The following LARP4 variants were observed in gnomAD, a reference collection of about 807,000 sequenced individuals.
LARP4 encodes the protein La ribonucleoprotein 4, also known as la-related protein 4.
LARP4 carries 29 observed loss-of-function variants against 92.9 expected under a neutral mutation model. The observed-to-expected ratio is 0.31, with a 90% CI of 0.23 to 0.43. LARP4 has a LOEUF of 0.43. Ranked by LOEUF, LARP4 falls within the 20% of genes least tolerant of loss-of-function variation. The pLI is 1.00. For missense variants in LARP4, 732 were observed against 860.0 expected (o/e 0.85, Z 1.86); for synonymous variants, 279 against 284.1 (o/e 0.98, Z 0.18).
At chr12:50,438,231 G>A (rs992115208) in intron 6 of LARP4, among the ~76,000 whole-genome samples, 7 of 151,924 alleles carry the variant, frequency 4.6e-5, no homozygotes, top group Non-Finnish European at 1.0e-4. Context: ...GCGCGGGGTG[G>A]CTCATGCCTG....
intron 3 of LARP4, among the ~76,000 whole-genome samples, chr12:50,429,749 C>T (rs1565580569): frequency 6.6e-6 from 1 of 152,240 alleles, no homozygotes; most frequent in East Asian, 1.9e-4. Flanking sequence ...AGTGATACTC[C>T]TGTCTCAGCC....
chr12:50,401,205 C>G, intron 1 of LARP4, 177 bp downstream of exon 1: 1 of 715,802 alleles, frequency 1.4e-6, no homozygotes, highest in East Asian at 2.5e-5. Flanking sequence ...TCACAACACT[C>G]TAGGAAGCTA....
intron 8 of LARP4, among the ~76,000 whole-genome samples, chr12:50,451,773 G>T (rs1244592010): frequency 6.6e-6 from 1 of 151,958 alleles, no homozygotes; most frequent in East Asian, 1.9e-4. Flanking sequence ...GGAGGTGGAG[G>T]TTGTGGTGAG....
intron 1 of LARP4, among the ~76,000 whole-genome samples, chr12:50,418,294 G>T (rs1947190695): frequency 6.6e-6 from 1 of 152,154 alleles, no homozygotes; most frequent in South Asian, 2.1e-4. Context: ...GAGCCACTGT[G>T]CCTGGCCTAG....
At chr12:50,456,917 T>C (rs1365525410) in intron 10 of LARP4, among the ~76,000 whole-genome samples, 2 of 65,282 alleles carry the variant, frequency 3.1e-5, no homozygotes, top group Non-Finnish European at 9.0e-5. Context: ...ACAGGTAATA[T>C]AAATTTTTTT....
chr12:50,475,496 T>A, intron 15 of LARP4, 30 bp from the exon 16 acceptor site: 1 of 1,503,520 alleles, frequency 6.7e-7, no homozygotes, highest in Non-Finnish European at 9.1e-7. Context: ...ATGTGTACCA[T>A]AAATGTTTTT....
In LARP4 at chr12:50,474,104, G is replaced by C. The variant is rs1389081126; in HGVS notation, c.1773G>C (p.Ser591=). 3 of 1,613,372 alleles carry C rather than the reference G, an allele frequency of 1.9e-6. No homozygotes were observed. Among genetic ancestry groups the C allele is most frequent in the Admixed American group, 3.3e-5 (2 of 59,990 alleles). ...CTCCTCCAAGTACTACAAAGCCATC[G>C]AGGGCAAGTACTGCTTCACCATGTA... ...PVSPPSTTKP[S]RASTASPCNN... is the part of the protein sequence containing the mutation. The change falls in exon 15 of 16, where the codon TCG becomes TCC. Residue 591 remains serine, a synonymous_variant. Transcript: ENST00000398473.
chr12:50,452,494 T>C (rs1005242741), intron 8 of LARP4, among the ~76,000 whole-genome samples: 4 of 152,196 alleles, frequency 2.6e-5, no homozygotes, highest in Admixed American at 2.6e-4. Flanking sequence ...TTTTTAACTT[T>C]TGAGGAATCT....
intron 15 of LARP4, among the ~76,000 whole-genome samples, chr12:50,475,284 G>A (rs1256297120): frequency 6.6e-6 from 1 of 152,072 alleles, no homozygotes; most frequent in South Asian, 2.1e-4. Context: ...TAGGCATTTA[G>A]GTCGCTCCCA....
chr12:50,409,874 C>T (rs1382223187), intron 1 of LARP4, among the ~76,000 whole-genome samples: 2 of 151,536 alleles, frequency 1.3e-5, no homozygotes, highest in Non-Finnish European at 2.9e-5. Flanking sequence ...TTGCAACTTC[C>T]GCCTCCCAGG....
At position 50,461,208 on chromosome 12, in the gene LARP4, C is replaced by A. The variant is rs1462221049; in HGVS notation, c.1195C>A (p.Gln399Lys). The A allele has an allele frequency of 6.2e-7, 1 of 1,614,058 alleles. No individual in the cohort carries two copies. The highest frequency in any genetic ancestry group is 1.1e-5 in the South Asian group (1 of 91,080). Residue 399 changes from glutamine to lysine, a missense_variant, in exon 11 of 16, where the codon CAG (glutamine) becomes AAG (lysine). Physicochemically the swap from Gln to Lys is moderately conservative, Grantham distance 53. Around this residue, in one of 7 missense-constraint regions of LARP4, gnomAD observed 264 missense variants for 269.5 expected, o/e 0.98. Coordinates refer to ENST00000398473, the MANE Select transcript of LARP4 (RefSeq NM_052879.5). ...TEGSVSLGDG[Q>K]LNRYSSRNFP... is the part of the protein sequence containing the mutation. ...GGGCTCTGTATCCTTGGGGGATGGA[C>A]AGTTGAACAGATATAGTTCAAGAAA...
chr12:50,454,505 G>A lies in LARP4; in HGVS notation c.1121+88G>A, dbSNP rs1003076857. On this transcript the variant is annotated intron_variant, in intron 10 of 15. Coordinates refer to ENST00000398473, the MANE Select transcript of LARP4 (RefSeq NM_052879.5). ...ATAGCAATGTTTGTTGTCAGGCTCA[G>A]TAATAAGGTTTGGTGGATTTTTTGT... 2.1e-5 allele frequency: 20 copies of A among 971,918 alleles called. No individual in the cohort carries two copies. The South Asian group carries it at 2.4e-4, about 12-fold the overall frequency. 60.2% of individuals were successfully genotyped at this position (971,918 alleles called of 1,614,324 possible). A position where few individuals can be genotyped will look rare whatever the true frequency, so the allele number is the denominator to read the frequency against.
chr12:50,425,387 C>A (rs1371162772), intron 1 of LARP4, among the ~76,000 whole-genome samples: 1 of 152,128 alleles, frequency 6.6e-6, no homozygotes, highest in Non-Finnish European at 1.5e-5. Flanking sequence ...TTGCCATCTT[C>A]TTGGGTAGGC....
chr12:50,453,585 A>G lies in LARP4; in HGVS notation c.930A>G (p.Val310=), dbSNP rs200808736. The stretch of plus-strand genomic sequence containing the variant: ...CCTCCCCAGTCTTTATGCAGCCTGT[A>G]TATAATCCTCACCAACAGTACTCGG... The part of the protein sequence containing the change: ...QYASPVFMQP[V]YNPHQQYSVY... The change falls in exon 9 of 16, where the codon GTA becomes GTG. Residue 310 remains valine, a synonymous_variant. Transcript: ENST00000398473. 37 of 1,613,406 alleles carry G rather than the reference A, an allele frequency of 2.3e-5. No homozygotes were observed. Among genetic ancestry groups the G allele is most frequent in the Non-Finnish European group, 2.4e-5 (28 of 1,179,544 alleles).
At chr12:50,472,661 C>T (rs1957057552) in intron 13 of LARP4, among the ~76,000 whole-genome samples, 1 of 151,880 alleles carries the variant, frequency 6.6e-6, no homozygotes. Flanking sequence ...GATGGACACC[C>T]CCCACCCTAG....
At chr12:50,430,786 G>C (rs1279840786) in intron 4 of LARP4, among the ~76,000 whole-genome samples, 2 of 151,866 alleles carry the variant, frequency 1.3e-5, no homozygotes, top group Non-Finnish European at 2.9e-5. Context: ...TCAGCCTCCA[G>C]AGTAGCTGGG....
intron 1 of LARP4, among the ~76,000 whole-genome samples, chr12:50,413,798 AT>A (rs1946319225): frequency 6.6e-6 from 1 of 152,214 alleles, no homozygotes. Context: ...TAACTATAGT[AT>A]GGTATAATGA....
Position 50,423,132 on chromosome 12 carries a change from T to C in LARP4, c.19-4630T>C, listed in dbSNP as rs954838098. Among the ~76,000 whole-genome samples, 6 of 152,262 alleles carry C rather than the reference T, an allele frequency of 3.9e-5. No homozygotes were observed. The East Asian group carries it at 1.2e-3, about 29-fold the overall frequency. ...ACCGCGCCTGGCTGGAAAATTATTC[T>C]TAAGGGCTTTGCCAAACTAGTAAAT... On this transcript the variant is annotated intron_variant, in intron 1 of 15. Transcript: ENST00000398473.
At chr12:50,456,864 T>C (rs1954346307) in intron 10 of LARP4, among the ~76,000 whole-genome samples, 1 of 152,192 alleles carries the variant, frequency 6.6e-6, no homozygotes, top group Non-Finnish European at 1.5e-5. Context: ...TCTAAACATA[T>C]GCAAATACCA....
Sources: gnomAD v4.1 joint callset for allele counts (sites outside exome capture counted in the v4.1 genomes callset) on GRCh38, gnomAD v4.1.1 for gene constraint, gnomAD v4.1.1 regional missense constraint, MANE v1.5 for transcripts, NCBI Gene and HGNC (gene_info 2026-07-23, HGNC 2026-07-21) for gene names.